Variants in ARHGAP29 observed in about 807,000 individuals in gnomAD.
ARHGAP29 encodes the protein rho GTPase-activating protein 29.
A neutral mutation model predicts 122.6 loss-of-function variants in ARHGAP29; 43 were observed. That is an observed-to-expected ratio of 0.35 (90% CI 0.27 to 0.45). ARHGAP29 has a LOEUF of 0.45. Ranked by LOEUF, ARHGAP29 falls within the 20% of genes least tolerant of loss-of-function variation. The probability of loss-of-function intolerance (pLI) is 1.00; values close to 1 mark genes in which losing one functional copy is unlikely to be tolerated. For missense variants in ARHGAP29, 1,303 were observed against 1,477.2 expected (o/e 0.88, Z 1.93); for synonymous variants, 506 against 497.1 (o/e 1.02, Z -0.24).
chr1:94,270,839 A>C (rs1654962071), intron 1 of ARHGAP29, among the ~76,000 whole-genome samples: 1 of 152,256 alleles, frequency 6.6e-6, no homozygotes, highest in African/African-American at 2.4e-5. Flanking sequence ...CAAGCAGTGT[A>C]CTTGAATACC....
intron 1 of ARHGAP29, among the ~76,000 whole-genome samples, chr1:94,274,714 C>T (rs991289575): frequency 6.6e-6 from 1 of 152,192 alleles, no homozygotes; most frequent in Non-Finnish European, 1.5e-5. Context: ...AGGCCTCTGG[C>T]AGTACAGGCC....
intron 2 of ARHGAP29, among the ~76,000 whole-genome samples, chr1:94,224,175 T>C (rs946443045): frequency 1.3e-5 from 2 of 152,204 alleles, no homozygotes; most frequent in African/African-American, 4.8e-5. Flanking sequence ...ATTTGGCACA[T>C]ACATAACTAA....
chr1:94,211,256 C>CAG (rs1651583079), intron 3 of ARHGAP29, among the ~76,000 whole-genome samples: 1 of 126,770 alleles, frequency 7.9e-6, no homozygotes, highest in African/African-American at 3.0e-5. Flanking sequence ...CACTGCACTC[C>CAG]AGCCTGGGCG....
rs1482832730 is a variant in ARHGAP29 at position 94,172,029 on chromosome 1, A to G, written c.*1840T>C. The G allele has an allele frequency of 6.6e-6, 1 of 152,222 alleles. No individual in the cohort carries two copies. Among genetic ancestry groups the G allele is most frequent in the South Asian group, 2.1e-4 (1 of 4,834 alleles). 9.4% of individuals were successfully genotyped at this position (152,222 alleles called of 1,614,324 possible). A position where few individuals can be genotyped will look rare whatever the true frequency, so the allele number is the denominator to read the frequency against. On this transcript the variant is annotated 3_prime_UTR_variant, in exon 23 of 23. Coordinates refer to ENST00000260526, the MANE Select transcript of ARHGAP29 (RefSeq NM_004815.4). ...TATTTTACCACAATAAAAATTTTTT[A>G]AAGTTGCATTTTCTATTGTTAAAAA...
chr1:94,257,937 C>T (rs1654422356), intron 1 of ARHGAP29, among the ~76,000 whole-genome samples: 1 of 152,158 alleles, frequency 6.6e-6, no homozygotes, highest in Non-Finnish European at 1.5e-5. Flanking sequence ...TTTGATAACT[C>T]ACTCCATACC....
chr1:94,262,430 A>G (rs985393183), intron 1 of ARHGAP29, among the ~76,000 whole-genome samples: 4 of 152,178 alleles, frequency 2.6e-5, no homozygotes, highest in East Asian at 1.9e-4. Flanking sequence ...AAGAGCTTCT[A>G]TACAGCAAAA....
At chr1:94,281,678 A>T in the ARHGAP29 span, among the ~76,000 whole-genome samples, 26 of 152,218 alleles carry the variant, frequency 1.7e-4, no homozygotes, top group Admixed American at 1.7e-3. Flanking sequence ...GCTCACAAGC[A>T]CTTAAGGAAA....
At chr1:94,302,918 A>G in the ARHGAP29 span, 1 of 191,194 alleles carries the variant, frequency 5.2e-6, no homozygotes. Flanking sequence ...TGGGGCTGGC[A>G]TTGCCCTCAA....
chr1:94,306,420 G>A, the ARHGAP29 span, among the ~76,000 whole-genome samples: 24 of 152,202 alleles, frequency 1.6e-4, no homozygotes, highest in Admixed American at 1.6e-3. Context: ...ACTTGCCTAA[G>A]TAAGGGAAAA....
At chr1:94,216,906 G>T (rs928999886) in intron 3 of ARHGAP29, among the ~76,000 whole-genome samples, 6 of 151,778 alleles carry the variant, frequency 4.0e-5, no homozygotes, top group African/African-American at 1.5e-4. Context: ...GGAAACATGA[G>T]AACACACAGG....
chr1:94,219,481 T>C (rs1164580258), intron 3 of ARHGAP29, among the ~76,000 whole-genome samples: 1 of 152,222 alleles, frequency 6.6e-6, no homozygotes, highest in Admixed American at 6.5e-5. Flanking sequence ...TGTGTCGTTC[T>C]GTCAAACTGA....
At position 94,271,736 on chromosome 1, in the gene ARHGAP29, C is replaced by T. The variant is rs570865906; in HGVS notation, c.-33+3276G>A. On this transcript the variant is annotated intron_variant and NMD_transcript_variant, in intron 1 of 25. Transcript: ENST00000552844. ...ACAAAAGGTGGAACAGGAGTAGTCT[C>T]ACTCACCATTACTCTGAATGACTCA... Among the ~76,000 whole-genome samples the T allele has an allele frequency of 1.2e-4, 18 of 152,318 alleles. No individual in the cohort carries two copies. The South Asian group carries it at 3.7e-3, about 32-fold the overall frequency.
intron 3 of ARHGAP29, 56 bp from the exon 4 acceptor site, chr1:94,209,406 C>A (rs1443825176): frequency 1.8e-6 from 2 of 1,088,696 alleles, no homozygotes; most frequent in Non-Finnish European, 2.6e-6. Context: ...TAGATTTATA[C>A]AGAATCATTT....
intron 1 of ARHGAP29, among the ~76,000 whole-genome samples, chr1:94,246,120 T>C (rs928264518): frequency 3.3e-5 from 5 of 152,216 alleles, no homozygotes; most frequent in African/African-American, 1.2e-4. Context: ...TCAAGTTCAC[T>C]CTTAAACTCT....
chr1:94,234,169 A>G (rs1300653978), intron 1 of ARHGAP29, among the ~76,000 whole-genome samples: 1 of 152,208 alleles, frequency 6.6e-6, no homozygotes, highest in African/African-American at 2.4e-5. Context: ...CTTCCTAGCT[A>G]GAGTATAATC....
intron 1 of ARHGAP29, among the ~76,000 whole-genome samples, chr1:94,261,964 G>C (rs1468165636): frequency 1.3e-5 from 2 of 152,142 alleles, no homozygotes; most frequent in African/African-American, 4.8e-5. Flanking sequence ...TAAGCAAAAA[G>C]AAGAATGCTG....
At chr1:94,196,656 T>C (rs1405812129) in intron 12 of ARHGAP29, among the ~76,000 whole-genome samples, 9 of 152,060 alleles carry the variant, frequency 5.9e-5, no homozygotes, top group Admixed American at 3.9e-4. Flanking sequence ...ACATAACAAA[T>C]TTAAGAGAAA....
At chr1:94,237,774 T>C, upstream of ARHGAP29, 1 of 985,380 alleles carries the variant, frequency 1.0e-6, no homozygotes, top group Non-Finnish European at 1.2e-6. Context: ...TGTCCCAGCA[T>C]CACGGGCTGC....
At chr1:94,220,692 T>A (rs1019476253) in intron 2 of ARHGAP29, among the ~76,000 whole-genome samples, 4 of 152,140 alleles carry the variant, frequency 2.6e-5, no homozygotes, top group Non-Finnish European at 4.4e-5. Flanking sequence ...TGAGCCAACT[T>A]TATAAGGTAA....
Sources: allele counts gnomAD v4.1 joint callset (sites outside exome capture counted in the v4.1 genomes callset), GRCh38; gene constraint gnomAD v4.1.1; transcripts MANE v1.5; gene names NCBI Gene and HGNC (gene_info 2026-07-23, HGNC 2026-07-21).